CNTLN: variants seen among roughly 807,000 people sequenced by gnomAD.
CNTLN encodes the protein centlein, centrosomal protein.
CNTLN carries 212 observed loss-of-function variants against 180.0 expected under a neutral mutation model. That is an observed-to-expected ratio of 1.18 (90% confidence interval 1.05 to 1.32). The LOEUF is 1.32. Among genes scored for constraint, CNTLN ranks in the 40% most tolerant of loss-of-function variants. CNTLN has a pLI of 0.00. For synonymous variants in CNTLN, 722 were observed against 563.1 expected, an observed-to-expected ratio of 1.28 and a Z score of -3.99; for missense variants, 2,095 against 1,610.9, an observed-to-expected ratio of 1.30 and a Z score of -5.14.
intron 3 of CNTLN, among the ~76,000 whole-genome samples, chr9:17,230,237 C>A (rs927350361): frequency 6.6e-6 from 1 of 152,150 alleles, no homozygotes; most frequent in Non-Finnish European, 1.5e-5. Flanking sequence ...GGCTACTATA[C>A]AAAAATATAC....
intron 8 of CNTLN, among the ~76,000 whole-genome samples, chr9:17,313,943 C>T (rs572979780): frequency 2.6e-5 from 4 of 152,210 alleles, no homozygotes; most frequent in Admixed American, 1.3e-4. Flanking sequence ...AGCACATGCC[C>T]GGCTGGTCTC....
intron 2 of CNTLN, among the ~76,000 whole-genome samples, chr9:17,199,533 A>G (rs904312842): frequency 6.6e-6 from 1 of 152,160 alleles, no homozygotes; most frequent in Non-Finnish European, 1.5e-5. Flanking sequence ...AATAATCACC[A>G]TTCTAACTGG....
intron 15 of CNTLN, among the ~76,000 whole-genome samples, chr9:17,402,470 C>A (rs1477792949): frequency 2.0e-5 from 3 of 151,822 alleles, no homozygotes; most frequent in African/African-American, 7.3e-5. Context: ...GAGGGGATGA[C>A]ACTGTGAAAA....
At chr9:17,340,724 A>G (rs1209764959) in intron 10 of CNTLN, 103 bp from the exon 11 acceptor site, 4 of 936,270 alleles carry the variant, frequency 4.3e-6, no homozygotes, top group Admixed American at 3.5e-5. Flanking sequence ...TTTACACACT[A>G]TTTTCTTTCA....
chr9:17,222,218 C>T (rs1359048146), intron 2 of CNTLN, among the ~76,000 whole-genome samples: 2 of 152,082 alleles, frequency 1.3e-5, no homozygotes, highest in Non-Finnish European at 2.9e-5. Flanking sequence ...CTGAAGAGTA[C>T]TTTTCAGTAT....
At chr9:17,232,225 C>A (rs1824858206) in intron 3 of CNTLN, among the ~76,000 whole-genome samples, 1 of 151,880 alleles carries the variant, frequency 6.6e-6, no homozygotes, top group African/African-American at 2.4e-5. Context: ...GGGAGAGAAT[C>A]TTTGTCTAAC....
In CNTLN at chr9:17,267,243, A is replaced by G. The variant is rs544371965; in HGVS notation, c.850-6490A>G. On this transcript the variant is annotated intron_variant, in intron 5 of 25. Transcript: ENST00000380647. The stretch of plus-strand genomic sequence containing the variant: ...TTTTAGGGCAGGCCTGGTGGTGACA[A>G]AATCTCTCAGCATTTGTTTGTCTGT... Among the ~76,000 whole-genome samples the G allele has an allele frequency of 4.3e-3, 659 of 152,196 alleles. 4 individuals are homozygous for G. The highest frequency in any genetic ancestry group is 0.01 in the Middle Eastern group (3 of 294).
intron 1 of CNTLN, among the ~76,000 whole-genome samples, chr9:17,140,703 C>G (rs990262888): frequency 6.6e-6 from 1 of 152,118 alleles, no homozygotes; most frequent in African/African-American, 2.4e-5. Context: ...CTTGGCCTCC[C>G]AAAGTGATTA....
chr9:17,511,967 A>G, the CNTLN span, among the ~76,000 whole-genome samples: 3 of 152,184 alleles, frequency 2.0e-5, no homozygotes, highest in Admixed American at 6.5e-5. Flanking sequence ...TAGGATATAC[A>G]TAAAAAGAAC....
intron 14 of CNTLN, 125 bp downstream of exon 14, chr9:17,388,378 T>A (rs1825849353): frequency 4.9e-6 from 3 of 615,180 alleles, no homozygotes; most frequent in South Asian, 7.8e-5. Flanking sequence ...AAATTCATAA[T>A]TCAAAATCAT....
intron 5 of CNTLN, among the ~76,000 whole-genome samples, chr9:17,262,498 C>G (rs981613265): frequency 3.3e-5 from 5 of 151,608 alleles, no homozygotes; most frequent in South Asian, 4.1e-4. Flanking sequence ...ACTGCATGTT[C>G]TCACTCATAA....
At chr9:17,213,293 C>T (rs535389617) in intron 2 of CNTLN, among the ~76,000 whole-genome samples, 4 of 152,310 alleles carry the variant, frequency 2.6e-5, no homozygotes, top group East Asian at 1.9e-4. Flanking sequence ...ATCTTTATTT[C>T]TGCTTTCATT....
In CNTLN at chr9:17,253,185, T is replaced by C. The variant is rs542021954; in HGVS notation, c.849+16597T>C. 1.3e-4 allele frequency among the ~76,000 whole-genome samples: 19 copies of C among 151,812 alleles called. No individual in the cohort carries two copies. The East Asian group carries it at 3.1e-3, about 25-fold the overall frequency. On this transcript the variant is annotated intron_variant, in intron 5 of 25. Transcript: ENST00000380647. ...TCAGTTAATATATCCTTGTAATATG[T>C]TTTGAAGTCAGATAGTCTCATACCT...
At chr9:17,170,227 G>A (rs1452623063) in intron 2 of CNTLN, among the ~76,000 whole-genome samples, 1 of 152,112 alleles carries the variant, frequency 6.6e-6, no homozygotes, top group Non-Finnish European at 1.5e-5. Flanking sequence ...TTCATATGCT[G>A]ATTTTGTATT....
chr9:17,377,449 G>A (rs1019528068), intron 13 of CNTLN, among the ~76,000 whole-genome samples: 4 of 152,162 alleles, frequency 2.6e-5, no homozygotes, highest in African/African-American at 9.7e-5. Context: ...GCTGAGACAG[G>A]ATAATCCCTT....
intron 8 of CNTLN, among the ~76,000 whole-genome samples, chr9:17,310,089 A>G (rs1207091911): frequency 6.6e-6 from 1 of 152,148 alleles, no homozygotes. Context: ...TTGTATGCAT[A>G]TGACAATTTA....
At chr9:17,237,330 G>A (rs1444732483) in intron 5 of CNTLN, among the ~76,000 whole-genome samples, 1 of 141,868 alleles carries the variant, frequency 7.0e-6, no homozygotes, top group Non-Finnish European at 1.5e-5. Flanking sequence ...AGTAAATATG[G>A]TGGTCTCTCC....
chr9:17,397,035 G>A (rs1826581980), intron 15 of CNTLN, among the ~76,000 whole-genome samples: 1 of 152,128 alleles, frequency 6.6e-6, no homozygotes, highest in South Asian at 2.1e-4. Context: ...TCTAGTGCTA[G>A]CTACTAATTC....
At chr9:17,337,755 A>C (rs573952394) in intron 10 of CNTLN, among the ~76,000 whole-genome samples, 1 of 152,192 alleles carries the variant, frequency 6.6e-6, no homozygotes, top group Non-Finnish European at 1.5e-5. Flanking sequence ...GTGTCAATAC[A>C]TATAAGAATC....
Sources: gnomAD v4.1 joint callset for allele counts (sites outside exome capture counted in the v4.1 genomes callset) on GRCh38, gnomAD v4.1.1 for gene constraint, MANE v1.5 for transcripts, NCBI Gene and HGNC (gene_info 2026-07-23, HGNC 2026-07-21) for gene names.